The following TTC17 variants were observed in gnomAD, a reference collection of about 807,000 sequenced individuals.
The protein encoded by TTC17 is tetratricopeptide repeat protein 17.
TTC17 carries 58 observed loss-of-function variants against 143.8 expected under a neutral mutation model. That is an observed-to-expected ratio of 0.40 (90% CI 0.33 to 0.50). The LOEUF is 0.50. TTC17 is among the 20% of genes least tolerant of loss of function. The pLI, the probability that TTC17 is intolerant of heterozygous loss-of-function variation, is 0.49. For synonymous variants in TTC17, 501 were observed against 497.8 expected (o/e 1.01, Z -0.09); for missense variants, 1,273 against 1,392.5 (o/e 0.91, Z 1.37).
At chr11:43,377,877 G>A (rs1856819951) in intron 1 of TTC17, among the ~76,000 whole-genome samples, 1 of 151,760 alleles carries the variant, frequency 6.6e-6, no homozygotes, top group Non-Finnish European at 1.5e-5. Flanking sequence ...GACTGGTTAG[G>A]CATTTTGTTT....
intron 21 of TTC17, among the ~76,000 whole-genome samples, chr11:43,476,661 T>A (rs928978576): frequency 2.6e-5 from 4 of 152,228 alleles, no homozygotes; most frequent in South Asian, 2.1e-4. Flanking sequence ...CAGCCATGGC[T>A]GGAGCAGCTG....
chr11:43,435,076 ATGATAGATAGAT>A lies in TTC17; in HGVS notation c.2252-8248_2252-8237del, dbSNP rs1241253195. The A allele has an allele frequency of 1.6e-4, 20 of 125,018 alleles. No homozygotes were observed. The Admixed American group carries it at 1.7e-3, about 10-fold the overall frequency. The allele number at this position is 125,018 out of a possible 1,614,324, so 7.7% of individuals were successfully genotyped here. On this transcript the variant is annotated intron_variant, in intron 16 of 23. Transcript: ENST00000039989. ...TGGTGAATCTGTACACACAGATAAG[ATGATAGATAGAT>A]AGATAGATAGATAGATAGATAGATA...
intron 15 of TTC17, among the ~76,000 whole-genome samples, chr11:43,410,710 A>G (rs1326225921): frequency 1.3e-5 from 2 of 152,318 alleles, no homozygotes; most frequent in South Asian, 2.1e-4. Flanking sequence ...AGGGCGCTCT[A>G]GAACAAAAGG....
At chr11:43,430,719 A>G (rs1222180323) in intron 16 of TTC17, among the ~76,000 whole-genome samples, 4 of 148,052 alleles carry the variant, frequency 2.7e-5, no homozygotes, top group Admixed American at 6.7e-5. Flanking sequence ...GCACACACAC[A>G]CACACACACA....
At chr11:43,482,050 T>G (rs758144571) in intron 21 of TTC17, among the ~76,000 whole-genome samples, 1 of 152,070 alleles carries the variant, frequency 6.6e-6, no homozygotes. Context: ...GCTCCAGTGA[T>G]CCACCCACCT....
At position 43,378,387 on chromosome 11, in the gene TTC17, T is replaced by C. The variant is rs139355682; in HGVS notation, c.160-846T>C. Among the ~76,000 whole-genome samples, 985 of 152,362 alleles carry C rather than the reference T, an allele frequency of 6.5e-3. 13 individuals are homozygous for C. Among genetic ancestry groups the C allele is most frequent in the African/African-American group, 0.022 (918 of 41,592 alleles). ...CCTGCTTCCTTATGTAAAGCTCTTA[T>C]ACTCTGGTCACTGGCAGTAGCTTTA... On this transcript the variant is annotated intron_variant, in intron 1 of 23. Transcript: ENST00000039989.
chr11:43,489,387 C>G (rs1225817178), intron 21 of TTC17, among the ~76,000 whole-genome samples: 1 of 152,122 alleles, frequency 6.6e-6, no homozygotes, highest in Non-Finnish European at 1.5e-5. Flanking sequence ...GTAACAAACT[C>G]TGTGATGGGG....
chr11:43,474,212 A>T (rs973270558), intron 21 of TTC17, among the ~76,000 whole-genome samples: 1 of 152,194 alleles, frequency 6.6e-6, no homozygotes, highest in African/African-American at 2.4e-5. Flanking sequence ...GCAGCTGTCA[A>T]AAAGAACAAG....
chr11:43,492,284 T>G, intron 23 of TTC17, 121 bp downstream of exon 23: 1 of 1,315,574 alleles, frequency 7.6e-7, no homozygotes, highest in Non-Finnish European at 1.0e-6. Context: ...CTAAAATTGC[T>G]GGTTCCACCA....
At chr11:43,368,411 C>T (rs916600425) in intron 1 of TTC17, among the ~76,000 whole-genome samples, 2 of 152,176 alleles carry the variant, frequency 1.3e-5, no homozygotes, top group African/African-American at 4.8e-5. Flanking sequence ...CACACCTGAT[C>T]TTCCCCCATT....
At position 43,490,294 on chromosome 11, in the gene TTC17, G is replaced by A. The variant is rs923727375; in HGVS notation, c.3086G>A (p.Gly1029Asp). The A allele has an allele frequency of 6.8e-6, 11 of 1,612,928 alleles. No homozygotes were observed. The Admixed American group carries it at 1.5e-4, about 22-fold the overall frequency. Residue 1029 changes from glycine to aspartate, a missense_variant, in exon 22 of 24, where the codon GGC becomes GAC. Gly to Asp is a moderately conservative substitution (Grantham distance 94). Around this residue, in one of 3 missense-constraint regions of TTC17, gnomAD observed 878 missense variants for 899.8 expected, o/e 0.98. Coordinates refer to ENST00000039989, the MANE Select transcript of TTC17 (RefSeq NM_018259.6). ...SMAALYWRVK[G>D]QGKKAIDCLR... The stretch of plus-strand genomic sequence containing the variant: ...GCAGCCCTCTACTGGAGGGTGAAAG[G>A]CCAAGGAAAGAAGGCAATCGACTGC...
At chr11:43,428,655 A>C (rs1947084004) in intron 16 of TTC17, among the ~76,000 whole-genome samples, 2 of 152,256 alleles carry the variant, frequency 1.3e-5, no homozygotes, top group Admixed American at 1.3e-4. Flanking sequence ...AGGGGCATAT[A>C]GGTCTGCAGA....
At chr11:43,455,081 A>AAATAAT (rs904867502) in intron 21 of TTC17, among the ~76,000 whole-genome samples, 1 of 150,846 alleles carries the variant, frequency 6.6e-6, no homozygotes. Flanking sequence ...AGAATGCAAA[A>AAATAAT]AATAATAATA....
chr11:43,488,332 T>G (rs1948414888), intron 21 of TTC17, among the ~76,000 whole-genome samples: 1 of 151,716 alleles, frequency 6.6e-6, no homozygotes, highest in South Asian at 2.1e-4. Flanking sequence ...GACAAGCAGT[T>G]AAGTTTTCTG....
chr11:43,364,116 G>C (rs377560845), intron 1 of TTC17, among the ~76,000 whole-genome samples: 23 of 148,032 alleles, frequency 1.6e-4, no homozygotes, highest in African/African-American at 4.7e-4. Context: ...GAGTGCAGTG[G>C]TGTGATTCTG....
intron 19 of TTC17, chr11:43,449,787 C>A (rs1033447022): frequency 6.4e-6 from 2 of 311,800 alleles, no homozygotes; most frequent in Admixed American, 4.7e-5. Flanking sequence ...GGCTGTATCT[C>A]TATAAGATTT....
At position 43,414,572 on chromosome 11, in the gene TTC17, AT is replaced by A. The variant is rs200016656; in HGVS notation, c.2065-9del. The stretch of plus-strand genomic sequence containing the variant: ...ATATTAGTTCATTAACATTTTGCCG[AT>A]TTTTTTTTCTTTTCAGCCTCTGACC... On this transcript the variant is annotated splice_polypyrimidine_tract_variant and intron_variant, in intron 15 of 23. Coordinates refer to ENST00000039989, the MANE Select transcript of TTC17 (RefSeq NM_018259.6). 25 of 1,573,264 alleles carry A rather than the reference AT, an allele frequency of 1.6e-5. No homozygotes were observed. The highest frequency in any genetic ancestry group is 5.7e-5 in the South Asian group (5 of 87,080).
intron 16 of TTC17, among the ~76,000 whole-genome samples, chr11:43,419,403 A>T (rs1045932198): frequency 6.6e-6 from 1 of 152,210 alleles, no homozygotes; most frequent in Admixed American, 6.5e-5. Context: ...TATGTAAATC[A>T]TATCTCCTTT....
Position 43,458,142 on chromosome 11 carries a change from G to T in TTC17, c.3030+6877G>T, listed in dbSNP as rs146901177. On this transcript the variant is annotated intron_variant, in intron 21 of 23. Coordinates refer to ENST00000039989, the MANE Select transcript of TTC17 (RefSeq NM_018259.6). ...TTTGTAATTCTGCTGTCTGGGCTGG[G>T]CTCAGCCGGGCACTTCTTCTGCTGA... 6.0e-4 allele frequency among the ~76,000 whole-genome samples: 91 copies of T among 152,300 alleles called. 1 individual carries two copies. The East Asian group carries it at 0.016, about 26-fold the overall frequency.
Sources: gnomAD v4.1 joint callset for allele counts (sites outside exome capture counted in the v4.1 genomes callset) on GRCh38, gnomAD v4.1.1 for gene constraint, gnomAD v4.1.1 regional missense constraint, MANE v1.5 for transcripts, NCBI Gene and HGNC (gene_info 2026-07-23, HGNC 2026-07-21) for gene names.